Variants in TBL1XR1 observed in about 807,000 individuals in gnomAD.
TBL1XR1 encodes the protein TBL1X/Y related 1, also known as F-box-like/WD repeat-containing protein TBL1XR1.
Under a neutral mutation model 66.9 loss-of-function variants are expected in TBL1XR1, and 5 were observed. That is an observed-to-expected ratio of 0.07 (90% CI 0.04 to 0.16). The LOEUF is 0.16. Among genes scored for constraint, TBL1XR1 ranks in the 10% least tolerant of loss-of-function variants. TBL1XR1 has a pLI of 1.00. For synonymous variants in TBL1XR1, 210 were observed against 206.0 expected, an observed-to-expected ratio of 1.02 and a Z score of -0.17; for missense variants, 238 against 623.2, an observed-to-expected ratio of 0.38 and a Z score of 6.58.
At chr3:177,139,669 T>TA (rs5854743) in intron 1 of TBL1XR1, among the ~76,000 whole-genome samples, 118,646 of 145,734 alleles carry the variant, frequency 0.81, 48,295 homozygotes, top group East Asian at 0.94. Context: ...AAAATATAGT[T>TA]AAAAAAAAAA....
chr3:177,137,375 C>T (rs1016198540), intron 1 of TBL1XR1, among the ~76,000 whole-genome samples: 1 of 152,048 alleles, frequency 6.6e-6, no homozygotes, highest in African/African-American at 2.4e-5. Flanking sequence ...GCCTGTAGTC[C>T]CGGTTACTCG....
intron 7 of TBL1XR1, among the ~76,000 whole-genome samples, chr3:177,048,898 G>A (rs1014030404): frequency 1.3e-5 from 2 of 152,190 alleles, no homozygotes; most frequent in African/African-American, 2.4e-5. Flanking sequence ...AACATGGCCA[G>A]TGGACCAGGT....
intron 1 of TBL1XR1, among the ~76,000 whole-genome samples, chr3:177,151,973 A>AAG (rs1357647034): frequency 6.6e-6 from 1 of 152,144 alleles, no homozygotes; most frequent in Non-Finnish European, 1.5e-5. Flanking sequence ...GCAGTGAGCC[A>AAG]AGATAGCGCC....
chr3:177,172,261 C>CAAAA (rs35087965), intron 1 of TBL1XR1, among the ~76,000 whole-genome samples: 2,137 of 100,002 alleles, frequency 0.021, 50 homozygotes, highest in African/African-American at 0.047. Flanking sequence ...ACTCCCACCT[C>CAAAA]AAAAAAAAAA....
At chr3:177,095,886 T>A (rs567876134) in intron 2 of TBL1XR1, among the ~76,000 whole-genome samples, 3 of 152,166 alleles carry the variant, frequency 2.0e-5, no homozygotes, top group Non-Finnish European at 2.9e-5. Context: ...AAGAACAATG[T>A]TCAGTAAGGG....
At chr3:177,122,521 T>C (rs1253961590) in intron 1 of TBL1XR1, among the ~76,000 whole-genome samples, 2 of 152,146 alleles carry the variant, frequency 1.3e-5, no homozygotes, top group Non-Finnish European at 2.9e-5. Flanking sequence ...TCTTGTGCAC[T>C]TGAAGAAAGA....
chr3:177,049,879 G>A, intron 7 of TBL1XR1, 118 bp downstream of exon 7: 1 of 1,195,334 alleles, frequency 8.4e-7, no homozygotes, highest in Non-Finnish European at 1.2e-6. Context: ...CCGGTTTGTT[G>A]TTACTAGTTA....
chr3:177,126,741 T>C lies in TBL1XR1; in HGVS notation c.-121-28200A>G, dbSNP rs865965334. Among the ~76,000 whole-genome samples the C allele has an allele frequency of 1.4e-4, 22 of 151,964 alleles. No individual in the cohort carries two copies. In the Middle Eastern group the frequency reaches 0.014, roughly 94 times the overall value. On this transcript the variant is annotated intron_variant, in intron 1 of 15. Coordinates refer to ENST00000457928, the MANE Select transcript of TBL1XR1 (RefSeq NM_024665.7). ...CAGAATTCTTGGCACTGGCTCTCCA[T>C]AAATATTCAATAAATATGTCTTTAG...
At chr3:177,198,144 T>C (rs1453625814), upstream of TBL1XR1, among the ~76,000 whole-genome samples, 2 of 152,166 alleles carry the variant, frequency 1.3e-5, no homozygotes, top group Non-Finnish European at 2.9e-5. Context: ...CTCCGAAGCG[T>C]ACCTGGAAAG....
At chr3:177,045,010 CTTATTAA>C (rs1716132311) in intron 10 of TBL1XR1, 1 of 152,048 alleles carries the variant, frequency 6.6e-6, no homozygotes, top group Admixed American at 6.6e-5. Flanking sequence ...TGTGTAAATG[CTTATTAA>C]GTGGTGAGCT....
At chr3:177,105,233 G>GT (rs1381599107) in intron 1 of TBL1XR1, among the ~76,000 whole-genome samples, 2 of 152,192 alleles carry the variant, frequency 1.3e-5, no homozygotes, top group Non-Finnish European at 2.9e-5. Flanking sequence ...AATTAATGGT[G>GT]TAACTTACAG....
At chr3:177,162,176 C>T (rs1034158387) in intron 1 of TBL1XR1, among the ~76,000 whole-genome samples, 20 of 152,302 alleles carry the variant, frequency 1.3e-4, no homozygotes, top group African/African-American at 4.3e-4. Flanking sequence ...GTTGAAAACG[C>T]CACATATCTG....
intron 1 of TBL1XR1, among the ~76,000 whole-genome samples, chr3:177,140,934 A>G (rs1370250066): frequency 6.6e-6 from 1 of 152,174 alleles, no homozygotes; most frequent in Non-Finnish European, 1.5e-5. Context: ...TCATTAGTGT[A>G]TATTATATAT....
chr3:177,124,446 A>G (rs182500140), intron 1 of TBL1XR1, among the ~76,000 whole-genome samples: 29 of 151,362 alleles, frequency 1.9e-4, no homozygotes, highest in African/African-American at 6.8e-4. Context: ...AAGTTATTAG[A>G]CAGTTCTATT....
intron 3 of TBL1XR1, among the ~76,000 whole-genome samples, chr3:177,058,715 T>C (rs1373237851): frequency 6.6e-6 from 1 of 152,238 alleles, no homozygotes; most frequent in African/African-American, 2.4e-5. Flanking sequence ...AAAAAGATTA[T>C]TAATAATGCC....
intron 1 of TBL1XR1, among the ~76,000 whole-genome samples, chr3:177,157,666 G>A (rs916310146): frequency 1.3e-5 from 2 of 151,938 alleles, no homozygotes; most frequent in African/African-American, 2.4e-5. Flanking sequence ...TGTCTTAGAG[G>A]GATCTTTATT....
At chr3:177,134,953 G>GTGTGTGTGTGTGTGTGTC (rs1442498869) in intron 1 of TBL1XR1, among the ~76,000 whole-genome samples, 3 of 129,956 alleles carry the variant, frequency 2.3e-5, no homozygotes, top group African/African-American at 9.7e-5. Context: ...GGCTGTGTGT[G>GTGTGTGTGTGTGTGTGTC]TGTGTGTGTG....
intron 1 of TBL1XR1, among the ~76,000 whole-genome samples, chr3:177,123,168 A>T (rs1208765003): frequency 6.6e-6 from 1 of 152,158 alleles, no homozygotes; most frequent in Non-Finnish European, 1.5e-5. Flanking sequence ...GAAAATCTTG[A>T]TTAGTATATT....
At chr3:177,140,041 G>A (rs1281624102) in intron 1 of TBL1XR1, among the ~76,000 whole-genome samples, 4 of 152,232 alleles carry the variant, frequency 2.6e-5, no homozygotes, top group South Asian at 4.1e-4. Context: ...GGTGGCTCAC[G>A]CCTGCAATCC....
Sources: gnomAD v4.1 joint callset for allele counts (sites outside exome capture counted in the v4.1 genomes callset) on GRCh38, gnomAD v4.1.1 for gene constraint, MANE v1.5 for transcripts, NCBI Gene and HGNC (gene_info 2026-07-23, HGNC 2026-07-21) for gene names.